Variants in SOCS7 observed in about 807,000 individuals in gnomAD.
SOCS7 encodes the protein suppressor of cytokine signaling 7.
Under a neutral mutation model 58.9 loss-of-function variants are expected in SOCS7, and 18 were observed. The observed-to-expected ratio is 0.31, with a 90% CI of 0.21 to 0.45. SOCS7 has a LOEUF of 0.45. SOCS7 is among the 20% of genes least tolerant of loss of function. The probability of loss-of-function intolerance (pLI) is 1.00; values close to 1 mark genes in which losing one functional copy is unlikely to be tolerated. For missense variants in SOCS7, 667 were observed against 837.3 expected, an observed-to-expected ratio of 0.80 and a Z score of 2.51; for synonymous variants, 388 against 364.3, an observed-to-expected ratio of 1.06 and a Z score of -0.74.
intron 1 of SOCS7, among the ~76,000 whole-genome samples, chr17:38,356,177 C>T (rs1349107606): frequency 6.6e-6 from 1 of 152,044 alleles, no homozygotes; most frequent in Non-Finnish European, 1.5e-5. Flanking sequence ...AGTCATAAGC[C>T]ACCAAGTCTG....
At position 38,365,388 on chromosome 17, in the gene SOCS7, C is replaced by T; in HGVS notation, c.1231C>T (p.Pro411Ser). The T allele has an allele frequency of 6.2e-7, 1 of 1,612,090 alleles. No individual in the cohort carries two copies. Among genetic ancestry groups the T allele is most frequent in the Non-Finnish European group, 8.5e-7 (1 of 1,179,010 alleles). The change falls in exon 4 of 10, where the codon CCT becomes TCT. Residue 411 changes from proline (P) to serine (S), a missense_variant. Transcript: ENST00000612932. The part of the protein sequence containing the change: ...SSLQSFPLPP[P>S]PPPHAPDAFP... ...CTTGCAGTCTTTCCCCCTACCTCCG[C>T]CTCCTCCACCCCATGCCCCAGGTTA...
rs2038307468 is a variant in SOCS7, at chr17:38,400,720, G to A, written c.*1238G>A. On this transcript the variant is annotated 3_prime_UTR_variant, in exon 10 of 10. Coordinates refer to ENST00000612932, the MANE Select transcript of SOCS7 (RefSeq NM_014598.4). ...AGACATTTCCGGATCAGATCCTGCT[G>A]GTCTCCACTCACTGGAAAGTCTGCC... is the stretch of plus-strand genomic sequence containing the variant. 6.6e-6 allele frequency: 1 copy of A among 152,148 alleles called. No individual in the cohort carries two copies. The highest frequency in any genetic ancestry group is 6.5e-5 in the Admixed American group (1 of 15,270). The allele number at this position is 152,148 out of a possible 1,614,324, so 9.4% of individuals were successfully genotyped here.
At chr17:38,389,802 A>T (rs1362400958) in intron 7 of SOCS7, among the ~76,000 whole-genome samples, 9 of 87,810 alleles carry the variant, frequency 1.0e-4, no homozygotes, top group Admixed American at 5.2e-4. Flanking sequence ...CTTTTACATT[A>T]GGTCTACTAT....
In SOCS7 at chr17:38,402,975, T is replaced by G; in HGVS notation, c.*3493T>G. 1 of 152,230 alleles carries G rather than the reference T, an allele frequency of 6.6e-6. No individual in the cohort carries two copies. The highest frequency in any genetic ancestry group is 1.9e-4 in the East Asian group (1 of 5,196). 9.4% of individuals were successfully genotyped at this position (152,230 alleles called of 1,614,324 possible). On this transcript the variant is annotated 3_prime_UTR_variant, in exon 10 of 10. Transcript: ENST00000612932. ...GTTACTTGAAATTCGTGTGCTATGT[T>G]GGTAGCACAGGAGTAGGCGGGCGGG...
intron 1 of SOCS7, among the ~76,000 whole-genome samples, chr17:38,355,019 A>G (rs587705256): frequency 3.3e-5 from 5 of 152,358 alleles, no homozygotes; most frequent in Admixed American, 6.5e-5. Flanking sequence ...GTAGCTTTGC[A>G]AAGAAGCTTA....
At chr17:38,389,897 A>ATGTGTATGTGTG (rs1555571091) in intron 7 of SOCS7, among the ~76,000 whole-genome samples, 1 of 77,356 alleles carries the variant, frequency 1.3e-5, no homozygotes, top group Non-Finnish European at 2.2e-5. Context: ...ATATATATAT[A>ATGTGTATGTGTG]TACACATATA....
chr17:38,352,921 G>T lies in SOCS7; in HGVS notation c.869G>T (p.Gly290Val). ...RLFRTKSCNG[G>V]SGGGDGTGKR... ...TTTCGCACCAAGAGCTGCAACGGTG[G>T]CTCCGGCGGTGGGGATGGGACCGGC... The change falls in exon 1 of 10, where the codon GGC becomes GTC. Residue 290 changes from glycine (G) to valine (V), a missense_variant. Gly to Val is a moderately radical substitution (Grantham distance 109, BLOSUM62 -3). Coordinates refer to ENST00000612932, the MANE Select transcript of SOCS7 (RefSeq NM_014598.4). This position sits in a 1 kb window ranked among gnomAD's most constrained non-coding sequence, Gnocchi z 5.5. The T allele has an allele frequency of 6.8e-6, 11 of 1,607,020 alleles. No homozygotes were observed. Among genetic ancestry groups the T allele is most frequent in the Non-Finnish European group, 9.3e-6 (11 of 1,177,934 alleles).
chr17:38,382,996 C>T (rs1385645032), intron 7 of SOCS7, among the ~76,000 whole-genome samples: 1 of 152,122 alleles, frequency 6.6e-6, no homozygotes, highest in Non-Finnish European at 1.5e-5. Context: ...ATGCCAGGAG[C>T]ACTCACCCCC....
At chr17:38,372,692 G>C (rs72834010) in intron 6 of SOCS7, among the ~76,000 whole-genome samples, 7,084 of 152,264 alleles carry the variant, frequency 0.047, 196 homozygotes, top group Middle Eastern at 0.2. Context: ...GTTCCCCTAA[G>C]AGGCAGAGAA....
At chr17:38,367,011 G>A (rs2144337083) in intron 5 of SOCS7, among the ~76,000 whole-genome samples, 1 of 152,254 alleles carries the variant, frequency 6.6e-6, no homozygotes, top group South Asian at 2.1e-4. Flanking sequence ...TCTTGGTAGG[G>A]TCTTTGGTAA....
chr17:38,374,697 G>C (rs1015200102), intron 6 of SOCS7, among the ~76,000 whole-genome samples: 1 of 152,212 alleles, frequency 6.6e-6, no homozygotes. Flanking sequence ...AGAAATTCAA[G>C]AACTCATAGA....
At chr17:38,384,993 T>A (rs1173820119) in intron 7 of SOCS7, among the ~76,000 whole-genome samples, 1 of 150,930 alleles carries the variant, frequency 6.6e-6, no homozygotes, top group African/African-American at 2.4e-5. Flanking sequence ...GCCTTCCGGT[T>A]TTGAGCAATT....
intron 7 of SOCS7, among the ~76,000 whole-genome samples, chr17:38,384,374 C>A (rs151135285): frequency 6.6e-6 from 1 of 152,054 alleles, no homozygotes; most frequent in African/African-American, 2.4e-5. Context: ...TGCAATCATG[C>A]CTTGACCTCC....
Position 38,385,435 on chromosome 17 carries a change from TC to T in SOCS7, c.1681+7594del, listed in dbSNP as rs1468214021. Among the ~76,000 whole-genome samples, 78 of 140,748 alleles carry T rather than the reference TC, an allele frequency of 5.5e-4. No individual in the cohort carries two copies. In the East Asian group the frequency reaches 8.2e-3, roughly 15 times the overall value. The allele number at this position is 140,748 out of a possible 152,430, so 92.3% of individuals were successfully genotyped here. ...GTGACAGCATTACTTCATCTGAATT[TC>T]TTTTCTTTCTTTTTTTTTTTTTTTA... On this transcript the variant is annotated intron_variant, in intron 7 of 9. Coordinates refer to ENST00000612932, the MANE Select transcript of SOCS7 (RefSeq NM_014598.4).
At chr17:38,392,631 T>C (rs1336514500) in intron 7 of SOCS7, among the ~76,000 whole-genome samples, 5 of 152,182 alleles carry the variant, frequency 3.3e-5, no homozygotes, top group Non-Finnish European at 5.9e-5. Context: ...GGACCAGCCA[T>C]GTGGGTAGAG....
chr17:38,371,379 A>G (rs1286803545), intron 6 of SOCS7, among the ~76,000 whole-genome samples: 8 of 151,966 alleles, frequency 5.3e-5, no homozygotes, highest in Non-Finnish European at 1.0e-4. Flanking sequence ...GGTTCAGGCA[A>G]TTCTCCTGCC....
Position 38,352,469 on chromosome 17 carries a change from A to G in SOCS7, c.417A>G (p.Thr139=), listed in dbSNP as rs2037567584. ...AGCCGGCGGGGCCGGGGGTCAAGAC[A>G]GTCGGTGGGGGTTGCTGCCCGTGTC... ...LGQPAGPGVK[T]VGGGCCPCPC... is the part of the protein sequence containing the mutation. Residue 139 remains threonine, a synonymous_variant, in exon 1 of 10, where the codon ACA becomes ACG. Coordinates refer to ENST00000612932, the MANE Select transcript of SOCS7 (RefSeq NM_014598.4). The surrounding 1 kb of genome is among the most constrained non-coding windows in gnomAD (Gnocchi z 5.5). 1 of 1,508,764 alleles carries G rather than the reference A, an allele frequency of 6.6e-7. No homozygotes were observed. The highest frequency in any genetic ancestry group is 8.9e-7 in the Non-Finnish European group (1 of 1,128,288). The allele number at this position is 1,508,764 out of a possible 1,614,324, so 93.5% of individuals were successfully genotyped here.
At chr17:38,391,974 G>C (rs1210188317) in intron 7 of SOCS7, among the ~76,000 whole-genome samples, 1 of 152,154 alleles carries the variant, frequency 6.6e-6, no homozygotes, top group Non-Finnish European at 1.5e-5. Context: ...AATAGTGCAT[G>C]GCTAGAAACT....
chr17:38,399,667 C>T lies in SOCS7; in HGVS notation c.*185C>T, dbSNP rs3193291. 2 of 152,660 alleles carry T rather than the reference C, an allele frequency of 1.3e-5. No individual in the cohort carries two copies. The highest frequency in any genetic ancestry group is 1.3e-4 in the Admixed American group (2 of 15,278). The allele number at this position is 152,660 out of a possible 1,614,324, so 9.5% of individuals were successfully genotyped here. ...CTTGGAAGAAGCACATGACCGTACT[C>T]TGCGTGGGGCTCCACCTCACACCCA... On this transcript the variant is annotated 3_prime_UTR_variant, in exon 10 of 10. Coordinates refer to ENST00000612932, the MANE Select transcript of SOCS7 (RefSeq NM_014598.4).
Sources: allele counts gnomAD v4.1 joint callset (sites outside exome capture counted in the v4.1 genomes callset), GRCh38; gene constraint gnomAD v4.1.1; non-coding constraint Gnocchi (gnomAD v3.1); transcripts MANE v1.5; gene names NCBI Gene and HGNC (gene_info 2026-07-23, HGNC 2026-07-21).